Variants in CEP85L observed in about 807,000 individuals in gnomAD.
CEP85L encodes centrosomal protein of 85 kDa-like.
In CEP85L, 60 loss-of-function variants were observed where a neutral mutation model predicts 100.3. The observed-to-expected ratio is 0.60, with a 90% CI of 0.49 to 0.74. The LOEUF is 0.74. Ranked by LOEUF, CEP85L falls within the 30% of genes least tolerant of loss-of-function variation. The probability of loss-of-function intolerance (pLI) is 0.00; values close to 1 mark genes in which losing one functional copy is unlikely to be tolerated. For synonymous variants in CEP85L, 319 were observed against 322.7 expected (o/e 0.99, Z 0.12); for missense variants, 973 against 936.2 (o/e 1.04, Z -0.51).
chr6:118,632,026 G>A (rs1320919805), intron 2 of CEP85L, among the ~76,000 whole-genome samples: 10 of 152,134 alleles, frequency 6.6e-5, no homozygotes, highest in Non-Finnish European at 1.2e-4. Context: ...GTCTCGCTCT[G>A]TCCCCCAGGC....
chr6:118,475,347 ATT>A lies in CEP85L; in HGVS notation c.1914+4522_1914+4523del, dbSNP rs34878583. Among the ~76,000 whole-genome samples the A allele has an allele frequency of 9.6e-3, 755 of 79,014 alleles. 40 individuals are homozygous for A. In the East Asian group the frequency reaches 0.13, roughly 13 times the overall value. 51.8% of individuals were successfully genotyped at this position (79,014 alleles called of 152,430 possible). A position where few individuals can be genotyped will look rare whatever the true frequency, so the allele number is the denominator to read the frequency against. On this transcript the variant is annotated intron_variant, in intron 10 of 12. Coordinates refer to ENST00000368491, the MANE Select transcript of CEP85L (RefSeq NM_001042475.3). ...AAAAGGTGGGTGAATTGTAGGTGAC[ATT>A]TTTTTTTTTTTTTTTTTTTTTTTGA...
At position 118,589,172 on chromosome 6, in the gene CEP85L, A is replaced by G. The variant is rs778440730; in HGVS notation, c.233-22856T>C. 4.0e-5 allele frequency: 10 copies of G among 251,894 alleles called. No individual in the cohort carries two copies. The East Asian group carries it at 1.0e-3, about 26-fold the overall frequency. The allele number at this position is 251,894 out of a possible 1,614,324, so 15.6% of individuals were successfully genotyped here. Reference sequence around the variant, plus strand: ...TGATATTGCCAGATACTTATCTAATAAAGAGTGGGGAAAGCTGAAAAACTC... The same window carrying G: ...TGATATTGCCAGATACTTATCTAATGAAGAGTGGGGAAAGCTGAAAAACTC... On this transcript the variant is annotated intron_variant, in intron 2 of 12. Coordinates refer to ENST00000368491, the MANE Select transcript of CEP85L (RefSeq NM_001042475.3).
At position 118,460,887 on chromosome 6, in the gene CEP85L, T is replaced by C. The variant is rs930535735; in HGVS notation, c.*4518A>G. The C allele has an allele frequency of 6.6e-5, 10 of 152,106 alleles. No homozygotes were observed. The highest frequency in any genetic ancestry group is 1.3e-4 in the Non-Finnish European group (9 of 67,984). 9.4% of individuals were successfully genotyped at this position (152,106 alleles called of 1,614,324 possible). On this transcript the variant is annotated 3_prime_UTR_variant, in exon 13 of 13. Transcript: ENST00000368491. ...AAAACTTTTTTCTTAATTTAATAAA[T>C]AGAACTTTGGCATTCAAAATTCTAG...
At chr6:118,527,586 A>G (rs1238967721) in intron 3 of CEP85L, among the ~76,000 whole-genome samples, 1 of 152,200 alleles carries the variant, frequency 6.6e-6, no homozygotes, top group African/African-American at 2.4e-5. Context: ...CTGATTATCA[A>G]TTTAATGGGT....
chr6:118,660,078 C>T (rs1348654243), intron 1 of CEP85L, among the ~76,000 whole-genome samples: 1 of 152,150 alleles, frequency 6.6e-6, no homozygotes, highest in Non-Finnish European at 1.5e-5. Context: ...TCCTTGTTTT[C>T]GTGGCAGAGG....
At chr6:118,680,928 T>C (rs1776637952) in intron 1 of CEP85L, among the ~76,000 whole-genome samples, 1 of 151,638 alleles carries the variant, frequency 6.6e-6, no homozygotes, top group African/African-American at 2.4e-5. Context: ...TAAAACCAGA[T>C]AGCCACAGGG....
intron 1 of CEP85L, 57 bp downstream of exon 1, chr6:118,651,140 A>C: frequency 1.4e-6 from 2 of 1,456,058 alleles, no homozygotes; most frequent in Non-Finnish European, 1.8e-6. Context: ...CGAGGTCCCG[A>C]GGCGCCGCGG....
Position 118,696,046 on chromosome 6 carries a change from G to A in CEP85L, c.-28+13990C>T, listed in dbSNP as rs190845372. 1.8e-3 allele frequency among the ~76,000 whole-genome samples: 269 copies of A among 152,224 alleles called. 1 individual carries two copies. Among genetic ancestry groups the A allele is most frequent in the African/African-American group, 6.3e-3 (260 of 41,520 alleles). On this transcript the variant is annotated intron_variant, in intron 1 of 13. Coordinates refer to the CEP85L transcript ENST00000368488. Reference sequence around the variant, plus strand: ...AGCACTTTGGGAGGCCGAGACAGGCGGATCACCTGAGGTCACGAGTTCGAG... The same window carrying A: ...AGCACTTTGGGAGGCCGAGACAGGCAGATCACCTGAGGTCACGAGTTCGAG...
chr6:118,470,163 A>C (rs1772837113), intron 11 of CEP85L, among the ~76,000 whole-genome samples: 1 of 152,126 alleles, frequency 6.6e-6, no homozygotes, highest in Admixed American at 6.6e-5. Context: ...TGAATTGCTG[A>C]TCCCCAAAAC....
intron 8 of CEP85L, among the ~76,000 whole-genome samples, chr6:118,480,858 G>A (rs1483943723): frequency 6.6e-6 from 1 of 152,030 alleles, no homozygotes; most frequent in African/African-American, 2.4e-5. Context: ...TAAAAGCAGG[G>A]TTCCTTGATT....
chr6:118,650,747 G>C (rs1262631147), intron 1 of CEP85L, among the ~76,000 whole-genome samples: 1 of 152,170 alleles, frequency 6.6e-6, no homozygotes, highest in East Asian at 1.9e-4. Context: ...CCAGAAGTCG[G>C]GAGGGCGCGG....
chr6:118,545,032 G>A (rs1215886554), intron 3 of CEP85L, among the ~76,000 whole-genome samples: 1 of 151,734 alleles, frequency 6.6e-6, no homozygotes, highest in African/African-American at 2.4e-5. Context: ...GGGTGTCTAG[G>A]AGATCTAATC....
At chr6:118,584,999 G>A (rs1443250212) in intron 2 of CEP85L, among the ~76,000 whole-genome samples, 1 of 152,174 alleles carries the variant, frequency 6.6e-6, no homozygotes. Flanking sequence ...TATGCAGCCA[G>A]GGAAGATCTC....
rs138217045 is a variant in CEP85L at position 118,483,942 on chromosome 6, T to C, written c.1438-84A>G. 533 of 1,225,762 alleles carry C rather than the reference T, an allele frequency of 4.3e-4. 1 individual carries two copies. In the African/African-American group the frequency reaches 7.0e-3, roughly 16 times the overall value. 75.9% of individuals were successfully genotyped at this position (1,225,762 alleles called of 1,614,324 possible). On this transcript the variant is annotated intron_variant, in intron 6 of 12. Coordinates refer to ENST00000368491, the MANE Select transcript of CEP85L (RefSeq NM_001042475.3). The stretch of plus-strand genomic sequence containing the variant: ...ACCAACACTTTAATATTAGACACCA[T>C]TGAATTCACCAACAGTTTCAGGTTA...
upstream of CEP85L, chr6:118,652,491 C>G: frequency 7.6e-7 from 1 of 1,322,634 alleles, no homozygotes; most frequent in African/African-American, 1.5e-5. Context: ...TGGTGGGAGG[C>G]GGGCTCTGCA....
chr6:118,530,965 T>C (rs1454987027), intron 3 of CEP85L, among the ~76,000 whole-genome samples: 1 of 152,066 alleles, frequency 6.6e-6, no homozygotes, highest in Admixed American at 6.5e-5. Flanking sequence ...GTTATTCCTA[T>C]CAAACTACCA....
chr6:118,570,036 A>C (rs1247367166), intron 2 of CEP85L, among the ~76,000 whole-genome samples: 1 of 152,214 alleles, frequency 6.6e-6, no homozygotes, highest in Non-Finnish European at 1.5e-5. Context: ...ATATGAATAC[A>C]CATATGTGAA....
Position 118,491,848 on chromosome 6 carries a change from A to T in CEP85L, c.1275T>A (p.Thr425=), listed in dbSNP as rs943975448. 32 of 1,606,990 alleles carry T rather than the reference A, an allele frequency of 2.0e-5. No individual in the cohort carries two copies. The highest frequency in any genetic ancestry group is 2.5e-5 in the Non-Finnish European group (30 of 1,177,764). Residue 425 remains threonine, a synonymous_variant, in exon 6 of 13, where the codon ACT becomes ACA. Transcript: ENST00000368491. ...VASLQPQYEN[T]SLQTPFSEES... is the part of the protein sequence containing the mutation. ...CCTCTGAAAATGGTGTCTGGAGTGA[A>T]GTGTTCTCATATTGTGGCTGTTAGG...
chr6:118,552,302 G>A (rs544247065), intron 3 of CEP85L, among the ~76,000 whole-genome samples: 90 of 152,114 alleles, frequency 5.9e-4, no homozygotes, highest in Non-Finnish European at 9.0e-4. Flanking sequence ...AAATACTGAA[G>A]TTTGAGAAGT....
Sources: gnomAD v4.1 joint callset for allele counts (sites outside exome capture counted in the v4.1 genomes callset) on GRCh38, gnomAD v4.1.1 for gene constraint, MANE v1.5 for transcripts, NCBI Gene and HGNC (gene_info 2026-07-23, HGNC 2026-07-21) for gene names.